Variants in TMEM184C observed in about 807,000 individuals in gnomAD.
The protein encoded by TMEM184C is transmembrane protein 34.
TMEM184C carries 25 observed loss-of-function variants against 54.5 expected under a neutral mutation model. The ratio of observed to expected loss-of-function variants is 0.46; its 90% CI spans 0.33 to 0.64. The LOEUF (loss-of-function observed/expected upper bound fraction) is 0.64, where lower values mean the gene tolerates loss of function less well. Ranked by LOEUF, TMEM184C falls within the 30% of genes least tolerant of loss-of-function variation. The pLI, the probability that TMEM184C is intolerant of heterozygous loss-of-function variation, is 0.02. For missense variants in TMEM184C, 335 were observed against 520.3 expected, an observed-to-expected ratio of 0.64 and a Z score of 3.46; for synonymous variants, 148 against 181.5, an observed-to-expected ratio of 0.82 and a Z score of 1.49.
rs1388110624 is a variant in TMEM184C at position 147,623,896 on chromosome 4, A to G, written c.186A>G (p.Ile62Met). 6.2e-7 allele frequency: 1 copy of G among 1,613,938 alleles called. No individual in the cohort carries two copies. The highest frequency in any genetic ancestry group is 8.5e-7 in the Non-Finnish European group (1 of 1,179,952). ...TCTTTTTGCTGTTGACTATTCCTAT[A>G]TCACTGTGGGTGATATTGCAACACT... ...AGIFLLLTIPISLWVILQHLV... is the reference protein window; with the variant it reads ...AGIFLLLTIPMSLWVILQHLV... The change falls in exon 2 of 10, where the codon ATA (isoleucine) becomes ATG (methionine). Residue 62 changes from isoleucine to methionine, a missense_variant. Transcript: ENST00000296582.
At chr4:147,623,268 G>A (rs932245564) in intron 1 of TMEM184C, among the ~76,000 whole-genome samples, 10 of 151,828 alleles carry the variant, frequency 6.6e-5, no homozygotes, top group Non-Finnish European at 1.0e-4. Context: ...CCAACAGGGC[G>A]AAACCCCATC....
chr4:147,632,372 A>G (rs1233980621), intron 7 of TMEM184C, among the ~76,000 whole-genome samples: 2 of 152,118 alleles, frequency 1.3e-5, no homozygotes, highest in Admixed American at 6.6e-5. Context: ...TCATACTATA[A>G]AAATTTTTGG....
chr4:147,617,980 G>T lies in TMEM184C; in HGVS notation c.24G>T (p.Arg8Ser). 1 of 1,614,154 alleles carries T rather than the reference G, an allele frequency of 6.2e-7. No homozygotes were observed. Among genetic ancestry groups the T allele is most frequent in the Non-Finnish European group, 8.5e-7 (1 of 1,180,014 alleles). MPCTCTW[R>S]NWRQWIRPLV... ...ACATGCCTTGCACTTGTACCTGGAG[G>T]AACTGGAGACAGTGGATTCGACCTT... The change falls in exon 1 of 10, where the codon AGG (arginine) becomes AGT (serine). Residue 8 changes from arginine to serine, a missense_variant. By Grantham distance (110) the Arg-to-Ser change is moderately radical. Transcript: ENST00000296582.
intron 4 of TMEM184C, among the ~76,000 whole-genome samples, chr4:147,627,940 A>T (rs1047173158): frequency 3.3e-5 from 5 of 150,744 alleles, no homozygotes; most frequent in African/African-American, 1.2e-4. Flanking sequence ...AGGTGGGAGG[A>T]TTACTTGAGC....
rs773344838 is a variant in TMEM184C at position 147,617,442 on chromosome 4, A to C, written c.-515A>C. ...TGTAGGGGAGGTCCCGTGCGAAAGA[A>C]TGAGGAGATCCTGGGGCCTTACCTA... On this transcript the variant is annotated 5_prime_UTR_variant, in exon 1 of 10. An upstream start codon of the reference 5' UTR is lost. Coordinates refer to ENST00000296582, the MANE Select transcript of TMEM184C (RefSeq NM_018241.3). 3.2e-5 allele frequency: 5 copies of C among 157,486 alleles called. No homozygotes were observed. Among genetic ancestry groups the C allele is most frequent in the Non-Finnish European group, 7.1e-5 (5 of 70,428 alleles). The allele number at this position is 157,486 out of a possible 1,614,324, so 9.8% of individuals were successfully genotyped here. A position where few individuals can be genotyped will look rare whatever the true frequency, so the allele number is the denominator to read the frequency against.
Position 147,634,653 on chromosome 4 carries a change from A to G in TMEM184C, c.*219A>G. The G allele has an allele frequency of 1.9e-6, 1 of 513,032 alleles. No homozygotes were observed. Among genetic ancestry groups the G allele is most frequent in the Middle Eastern group, 5.2e-4 (1 of 1,918 alleles). The allele number at this position is 513,032 out of a possible 1,614,324, so 31.8% of individuals were successfully genotyped here. ...AGACTTGATTTCTTAACATTAGGGT[A>G]TCGCATACTCAAATGGTAGACAATG... is the stretch of plus-strand genomic sequence containing the variant. On this transcript the variant is annotated 3_prime_UTR_variant, in exon 10 of 10. Transcript: ENST00000296582.
chr4:147,617,907 T>A lies in TMEM184C; in HGVS notation c.-50T>A. 1 of 1,610,818 alleles carries A rather than the reference T, an allele frequency of 6.2e-7. No homozygotes were observed. Among genetic ancestry groups the A allele is most frequent in the Non-Finnish European group, 8.5e-7 (1 of 1,178,232 alleles). The stretch of plus-strand genomic sequence containing the variant: ...CAGAGAACAGGGCTCCCCATTACAA[T>A]CTTTTCGAGATCTTTTCCCTTGCTA... On this transcript the variant is annotated 5_prime_UTR_variant, in exon 1 of 10. Coordinates refer to ENST00000296582, the MANE Select transcript of TMEM184C (RefSeq NM_018241.3).
At chr4:147,625,108 T>A in intron 4 of TMEM184C, 99 bp downstream of exon 4, 1 of 1,136,078 alleles carries the variant, frequency 8.8e-7, no homozygotes, top group East Asian at 2.4e-5. Flanking sequence ...CATTAAGTAT[T>A]AATAGCAGAA....
intron 4 of TMEM184C, among the ~76,000 whole-genome samples, chr4:147,627,441 C>T (rs750892143): frequency 2.8e-4 from 42 of 151,966 alleles, no homozygotes; most frequent in East Asian, 5.8e-4. Flanking sequence ...CAGGCGTGCC[C>T]GGCTAAATTT....
intron 3 of TMEM184C, among the ~76,000 whole-genome samples, chr4:147,624,440 TGTA>T (rs1732772995): frequency 6.6e-6 from 1 of 152,168 alleles, no homozygotes; most frequent in South Asian, 2.1e-4. Context: ...ATGAAATTGT[TGTA>T]GATGACTGCT....
intron 8 of TMEM184C, 24 bp from the exon 9 acceptor site, chr4:147,633,741 G>A: frequency 6.6e-7 from 1 of 1,511,260 alleles, no homozygotes; most frequent in Non-Finnish European, 8.9e-7. Context: ...AAAGGTGGCT[G>A]TTATCTTATT....
Position 147,636,210 on chromosome 4 carries a change from TA to T in TMEM184C, c.*1778del, listed in dbSNP as rs1733038128. 1 of 152,176 alleles carries T rather than the reference TA, an allele frequency of 6.6e-6. No individual in the cohort carries two copies. Among genetic ancestry groups the T allele is most frequent in the South Asian group, 2.1e-4 (1 of 4,834 alleles). 9.4% of individuals were successfully genotyped at this position (152,176 alleles called of 1,614,324 possible). On this transcript the variant is annotated 3_prime_UTR_variant, in exon 10 of 10. Transcript: ENST00000296582. ...AAAATGTTGGAGACATCACATTTCC[TA>T]ATTATAAATTATACTACAAAACTAT...
chr4:147,624,309 CT>C (rs921471054), intron 3 of TMEM184C, among the ~76,000 whole-genome samples: 89 of 152,014 alleles, frequency 5.9e-4, no homozygotes, highest in African/African-American at 2.1e-3. Context: ...TAGCTGTTTG[CT>C]TTCTTTTAAA....
chr4:147,619,686 T>C (rs1381244578), intron 1 of TMEM184C, among the ~76,000 whole-genome samples: 1 of 152,232 alleles, frequency 6.6e-6, no homozygotes, highest in Admixed American at 6.5e-5. Flanking sequence ...GTTAATAATA[T>C]GCATAATATC....
Position 147,624,956 on chromosome 4 carries a change from T to G in TMEM184C, c.444T>G (p.Asp148Glu). The change falls in exon 4 of 10, where the codon GAT becomes GAG. Residue 148 changes from aspartate to glutamate, a missense_variant. By Grantham distance (45) the Asp-to-Glu change is conservative (BLOSUM62 2). Coordinates refer to ENST00000296582, the MANE Select transcript of TMEM184C (RefSeq NM_018241.3). ...TGGTATTAATCCTTGAAGCCAAAGA[T>G]CAACAGAAACATTTCCCTCCTTTAT... ...PNLVLILEAKDQQKHFPPLCC... is the reference protein window; with the variant it reads ...PNLVLILEAKEQQKHFPPLCC... 1.2e-6 allele frequency: 2 copies of G among 1,613,966 alleles called. No individual in the cohort carries two copies. Among genetic ancestry groups the G allele is most frequent in the Non-Finnish European group, 1.7e-6 (2 of 1,179,880 alleles).
rs994098714 is a variant in TMEM184C at position 147,619,285 on chromosome 4, C to T, written c.123+1206C>T. On this transcript the variant is annotated intron_variant, in intron 1 of 9. Transcript: ENST00000296582. ...CGATCTTGGCTCACTGCAACCTCTG[C>T]CTCCCAGGTTCAAGCGATTCTCCTG... is the stretch of plus-strand genomic sequence containing the variant. Among the ~76,000 whole-genome samples the T allele has an allele frequency of 1.8e-4, 27 of 152,004 alleles. 1 individual carries two copies. Among genetic ancestry groups the T allele is most frequent in the Non-Finnish European group, 3.7e-4 (25 of 67,994 alleles).
rs1732943417 is a variant in TMEM184C, at chr4:147,632,968, G to A, written c.845G>A (p.Trp282Ter). 6.2e-7 allele frequency: 1 copy of A among 1,613,966 alleles called. No individual in the cohort carries two copies. Among genetic ancestry groups the A allele is most frequent in the African/African-American group, 1.3e-5 (1 of 74,892 alleles). Residue 282 changes from tryptophan (W) to a stop codon, truncating the protein, a stop_gained, in exon 8 of 10, where the codon TGG becomes TAG. Transcript: ENST00000296582. LOFTEE classifies it high-confidence loss of function. Reference protein sequence around the residue: ...GVISEKHTWEWQTVEAVATGL... With the variant: ...GVISEKHTWE ...ATTTCTGAAAAGCATACGTGGGAATGGCAAACTGTAGAAGCTGTGGCCACC... is the reference window on the plus strand; with the variant it reads ...ATTTCTGAAAAGCATACGTGGGAATAGCAAACTGTAGAAGCTGTGGCCACC...
intron 1 of TMEM184C, among the ~76,000 whole-genome samples, chr4:147,621,378 T>C (rs548125844): frequency 1.3e-5 from 2 of 152,136 alleles, no homozygotes; most frequent in East Asian, 1.9e-4. Flanking sequence ...AAGTTACCCA[T>C]GAAAAAAAAT....
chr4:147,623,781 C>T, intron 1 of TMEM184C, 53 bp from the exon 2 acceptor site: 2 of 1,579,106 alleles, frequency 1.3e-6, no homozygotes, highest in South Asian at 2.2e-5. Context: ...CCTGGCCAAG[C>T]TCTTTTGTTT....
Sources: gnomAD v4.1 joint callset for allele counts (sites outside exome capture counted in the v4.1 genomes callset) on GRCh38, gnomAD v4.1.1 for gene constraint, MANE v1.5 for transcripts, NCBI Gene and HGNC (gene_info 2026-07-23, HGNC 2026-07-21) for gene names.